The following RBPMS variants were observed in gnomAD, a reference collection of about 807,000 sequenced individuals.
The protein encoded by RBPMS is RNA-binding protein with multiple splicing.
In RBPMS, 7 loss-of-function variants were observed where a neutral mutation model predicts 26.8. That is an observed-to-expected ratio of 0.26 (90% CI 0.15 to 0.49). The LOEUF is 0.49. Ranked by LOEUF, RBPMS falls within the 20% of genes least tolerant of loss-of-function variation. The pLI, the probability that RBPMS is intolerant of heterozygous loss-of-function variation, is 0.98. For synonymous variants in RBPMS, 96 were observed against 93.3 expected (o/e 1.03, Z -0.17); for missense variants, 186 against 250.0 (o/e 0.74, Z 1.73).
At chr8:30,549,525 G>C in intron 6 of RBPMS, 1 of 1,614,132 alleles carries the variant, frequency 6.2e-7, no homozygotes, top group Non-Finnish European at 8.5e-7. Context: ...ACTGTGAGGA[G>C]AAGCCACCCC....
At chr8:30,506,005 A>G (rs549440772) in intron 5 of RBPMS, among the ~76,000 whole-genome samples, 1 of 152,290 alleles carries the variant, frequency 6.6e-6, no homozygotes, top group African/African-American at 2.4e-5. Flanking sequence ...GTGATACTTA[A>G]CTTTACCTTT....
intron 1 of RBPMS, among the ~76,000 whole-genome samples, chr8:30,444,334 A>G (rs1813481053): frequency 6.6e-6 from 1 of 152,258 alleles, no homozygotes; most frequent in Non-Finnish European, 1.5e-5. Context: ...GGGATAAATT[A>G]AAGCTATAAA....
At chr8:30,454,482 T>C (rs1585521880) in intron 1 of RBPMS, among the ~76,000 whole-genome samples, 1 of 152,204 alleles carries the variant, frequency 6.6e-6, no homozygotes, top group East Asian at 1.9e-4. Context: ...CAACTCCTTT[T>C]CTTAACATTA....
At chr8:30,436,634 A>C (rs1051374610) in intron 1 of RBPMS, among the ~76,000 whole-genome samples, 8 of 152,166 alleles carry the variant, frequency 5.3e-5, no homozygotes, top group Non-Finnish European at 8.8e-5. Context: ...CACTAATACC[A>C]CTTAGGACTG....
intron 6 of RBPMS, chr8:30,545,678 A>G (rs1316516786): frequency 6.5e-6 from 1 of 154,004 alleles, no homozygotes; most frequent in African/African-American, 2.4e-5. Context: ...TGTCTTGATA[A>G]AGACCACCTA....
intron 8 of RBPMS, 34 bp from the exon 9 acceptor site, chr8:30,570,603 C>T (rs975300164): frequency 5.2e-5 from 8 of 152,866 alleles, no homozygotes; most frequent in Middle Eastern, 3.4e-3. Flanking sequence ...GGGGTTGACA[C>T]CTGCTCTCCT....
At chr8:30,562,022 A>T (rs997195177) in intron 7 of RBPMS, 1 of 985,202 alleles carries the variant, frequency 1.0e-6, no homozygotes, top group African/African-American at 1.7e-5. Flanking sequence ...CTAGATCCGA[A>T]TAAGATCCGA....
intron 1 of RBPMS, among the ~76,000 whole-genome samples, chr8:30,467,605 T>C (rs1816655624): frequency 6.6e-6 from 1 of 152,230 alleles, no homozygotes; most frequent in Non-Finnish European, 1.5e-5. Flanking sequence ...TTTCTGCTCC[T>C]GGGGCAACCT....
chr8:30,488,462 G>C (rs1819029341), intron 4 of RBPMS, among the ~76,000 whole-genome samples: 1 of 152,212 alleles, frequency 6.6e-6, no homozygotes, highest in African/African-American at 2.4e-5. Flanking sequence ...ACAGGTGATA[G>C]ATACACCTCT....
At chr8:30,563,180 G>C (rs1299923830) in intron 7 of RBPMS, among the ~76,000 whole-genome samples, 1 of 141,228 alleles carries the variant, frequency 7.1e-6, no homozygotes, top group African/African-American at 3.2e-5. Flanking sequence ...CATCAGGAGA[G>C]GGGGGGTCAG....
intron 5 of RBPMS, among the ~76,000 whole-genome samples, chr8:30,523,552 G>A (rs1392571387): frequency 1.3e-5 from 2 of 150,720 alleles, no homozygotes; most frequent in Non-Finnish European, 2.9e-5. Context: ...TATCATTTGA[G>A]TAAGATTCCT....
rs180680102 is a variant in RBPMS at position 30,437,163 on chromosome 8, C to A, written c.67-37616C>A. Among the ~76,000 whole-genome samples, 970 of 151,658 alleles carry A rather than the reference C, an allele frequency of 6.4e-3. 15 individuals are homozygous for A. Among genetic ancestry groups the A allele is most frequent in the African/African-American group, 0.022 (931 of 41,444 alleles). ...GTCTTGATCTCCTGACCTCATGATC[C>A]GCCTGCCTCGGCCTCCCAAAGTGCT... On this transcript the variant is annotated intron_variant, in intron 1 of 8. Coordinates refer to ENST00000397323, the MANE Select transcript of RBPMS (RefSeq NM_001008710.3).
chr8:30,454,020 G>T (rs1030003429), intron 1 of RBPMS, among the ~76,000 whole-genome samples: 3 of 152,146 alleles, frequency 2.0e-5, no homozygotes, highest in Non-Finnish European at 4.4e-5. Flanking sequence ...ACATTCTTGA[G>T]ATCAGGCATA....
At chr8:30,502,383 C>CA (rs1820653554) in intron 4 of RBPMS, among the ~76,000 whole-genome samples, 1 of 152,172 alleles carries the variant, frequency 6.6e-6, no homozygotes, top group Non-Finnish European at 1.5e-5. Flanking sequence ...TTCACATGTG[C>CA]AGCCTCATTT....
intron 1 of RBPMS, among the ~76,000 whole-genome samples, chr8:30,429,992 T>C (rs1424403633): frequency 2.0e-5 from 3 of 152,160 alleles, no homozygotes. Context: ...AAATCTGAAA[T>C]CTGGCCCGGC....
intron 5 of RBPMS, among the ~76,000 whole-genome samples, chr8:30,540,977 G>T (rs1825326716): frequency 6.6e-6 from 1 of 152,170 alleles, no homozygotes; most frequent in Non-Finnish European, 1.5e-5. Context: ...CATTGAGGGA[G>T]CATGTTTAGT....
chr8:30,505,270 A>G (rs577312005), intron 5 of RBPMS, among the ~76,000 whole-genome samples: 3 of 152,290 alleles, frequency 2.0e-5, no homozygotes, highest in South Asian at 4.1e-4. Context: ...GTTATTTGGA[A>G]TATTTCTGTC....
Position 30,385,115 on chromosome 8 carries a change from A to G in RBPMS, c.23A>G (p.Glu8Gly). The G allele has an allele frequency of 6.5e-7, 1 of 1,527,738 alleles. No individual in the cohort carries two copies. Among genetic ancestry groups the G allele is most frequent in the Non-Finnish European group, 8.8e-7 (1 of 1,138,986 alleles). The allele number at this position is 1,527,738 out of a possible 1,614,324, so 94.6% of individuals were successfully genotyped here. MNNGGKA[E>G]KENTPSEANL... The stretch of plus-strand genomic sequence containing the variant: ...AAGATGAACAACGGCGGCAAAGCCG[A>G]GAAGGAGAACACCCCGAGCGAGGCC... The change falls in exon 1 of 9, where the codon GAG becomes GGG. Residue 8 changes from glutamate to glycine, a missense_variant. By Grantham distance (98) the Glu-to-Gly change is moderately conservative (BLOSUM62 -2). Coordinates refer to ENST00000397323, the MANE Select transcript of RBPMS (RefSeq NM_001008710.3).
intron 1 of RBPMS, among the ~76,000 whole-genome samples, chr8:30,420,670 C>T (rs2150619822): frequency 6.6e-6 from 1 of 152,302 alleles, no homozygotes; most frequent in East Asian, 1.9e-4. Flanking sequence ...GAGGCTTCTT[C>T]ATTTCCCAAT....
Sources: allele counts gnomAD v4.1 joint callset (sites outside exome capture counted in the v4.1 genomes callset), GRCh38; gene constraint gnomAD v4.1.1; transcripts MANE v1.5; gene names NCBI Gene and HGNC (gene_info 2026-07-23, HGNC 2026-07-21).